The following CCDC66 variants were observed in gnomAD, a reference collection of about 807,000 sequenced individuals.
CCDC66 encodes coiled-coil domain-containing protein 66.
Under a neutral mutation model 128.3 loss-of-function variants are expected in CCDC66, and 133 were observed. The ratio of observed to expected loss-of-function variants is 1.04; its 90% CI spans 0.90 to 1.20. CCDC66 has a LOEUF of 1.20. Ranked by LOEUF, CCDC66 falls within the 50% of genes most tolerant of loss-of-function variation. CCDC66 has a pLI of 0.00. For missense variants in CCDC66, 1,126 were observed against 1,075.5 expected (o/e 1.05, Z -0.66); for synonymous variants, 387 against 357.0 (o/e 1.08, Z -0.95).
chr3:56,584,471 A>C (rs2069195268), intron 7 of CCDC66, among the ~76,000 whole-genome samples: 2 of 150,258 alleles, frequency 1.3e-5, no homozygotes, highest in South Asian at 4.2e-4. Context: ...GGCCAGGCAG[A>C]GGTGCTCCTC....
intron 7 of CCDC66, among the ~76,000 whole-genome samples, chr3:56,590,597 C>CA (rs2070704777): frequency 6.6e-6 from 1 of 151,570 alleles, no homozygotes; most frequent in Non-Finnish European, 1.5e-5. Flanking sequence ...CCTGTCTCTA[C>CA]AAAAAAATAA....
chr3:56,571,154 T>C, intron 6 of CCDC66, 27 bp from the exon 7 acceptor site: 5 of 1,459,090 alleles, frequency 3.4e-6, no homozygotes, highest in Non-Finnish European at 4.6e-6. Context: ...TTTTTGTACA[T>C]TTTTTTAAAA....
In CCDC66 at chr3:56,605,264, T is replaced by C. The variant is rs150881628; in HGVS notation, c.1405-8325T>C. ...TGTTATTACCTACCTTCTGAAGCCTTCTTCTGTCAATTCGTAAAACTCATT... is the reference window on the plus strand; with the variant it reads ...TGTTATTACCTACCTTCTGAAGCCTCCTTCTGTCAATTCGTAAAACTCATT... On this transcript the variant is annotated intron_variant, in intron 10 of 17. Transcript: ENST00000394672. Among the ~76,000 whole-genome samples, 505 of 152,204 alleles carry C rather than the reference T, an allele frequency of 3.3e-3. 12 individuals are homozygous for C. The highest frequency in any genetic ancestry group is 0.011 in the African/African-American group (461 of 41,460).
intron 3 of CCDC66, among the ~76,000 whole-genome samples, chr3:56,562,621 A>G (rs2065244039): frequency 6.6e-6 from 1 of 152,082 alleles, no homozygotes; most frequent in Non-Finnish European, 1.5e-5. Flanking sequence ...AGTGCTAGGT[A>G]GCACATTTTA....
chr3:56,592,439 C>T (rs188483498), intron 7 of CCDC66, among the ~76,000 whole-genome samples: 61 of 152,198 alleles, frequency 4.0e-4, no homozygotes, highest in African/African-American at 1.3e-3. Flanking sequence ...CAGCTCACTA[C>T]AACCTCCACC....
At chr3:56,618,407 G>C (rs1381021921) in intron 15 of CCDC66, 195 bp downstream of exon 15, 2 of 515,226 alleles carry the variant, frequency 3.9e-6, no homozygotes, top group Non-Finnish European at 6.9e-6. Flanking sequence ...AGTTGGACTG[G>C]GCCTAGGCAG....
At chr3:56,599,451 G>A (rs1187192931) in intron 10 of CCDC66, among the ~76,000 whole-genome samples, 2 of 151,912 alleles carry the variant, frequency 1.3e-5, no homozygotes. Flanking sequence ...TTTGGGGTTT[G>A]TTCTTTTCTA....
chr3:56,619,516 A>G lies in CCDC66; in HGVS notation c.2624A>G (p.Gln875Arg), dbSNP rs776278779. 5.0e-6 allele frequency: 8 copies of G among 1,606,692 alleles called. No homozygotes were observed. Among genetic ancestry groups the G allele is most frequent in the Middle Eastern group, 1.7e-4 (1 of 6,016 alleles). ...CCTTCAACCCAGGACCCTCAGTACC[A>G]AAATTCACAAGGTAAGTAAATATTA... Reference protein sequence around the residue: ...SGPSTQDPQYQNSQDCGQKRQ... With the variant: ...SGPSTQDPQYRNSQDCGQKRQ... Residue 875 changes from glutamine (Q) to arginine (R), a missense_variant, in exon 16 of 18, where the codon CAA becomes CGA. Transcript: ENST00000394672.
chr3:56,591,266 A>T (rs2070844121), intron 7 of CCDC66, among the ~76,000 whole-genome samples: 1 of 152,260 alleles, frequency 6.6e-6, no homozygotes, highest in Non-Finnish European at 1.5e-5. Flanking sequence ...GAATATAGAT[A>T]AAACATTTTG....
intron 10 of CCDC66, among the ~76,000 whole-genome samples, chr3:56,602,318 GC>G (rs1313234998): frequency 6.6e-6 from 1 of 152,044 alleles, no homozygotes; most frequent in Non-Finnish European, 1.5e-5. Flanking sequence ...CAGATATGAA[GC>G]CAACTTGATC....
intron 14 of CCDC66, 105 bp downstream of exon 14, chr3:56,617,710 A>G (rs760518168): frequency 2.6e-5 from 36 of 1,399,074 alleles, no homozygotes; most frequent in Non-Finnish European, 3.2e-5. Context: ...TTCAGTTTAC[A>G]TTAGGGATCA....
At chr3:56,618,098 AGCCCTAAAAATATTTGTGGG>A (rs1490152056) in intron 14 of CCDC66, 54 bp from the exon 15 acceptor site, 10 of 1,118,564 alleles carry the variant, frequency 8.9e-6, no homozygotes, top group Non-Finnish European at 1.2e-5. Context: ...TTCAACAAGT[AGCCCTAAAAATATTTGTGGG>A]GACATGTGAA....
At chr3:56,584,990 G>A (rs370262604) in intron 7 of CCDC66, among the ~76,000 whole-genome samples, 9 of 151,796 alleles carry the variant, frequency 5.9e-5, no homozygotes, top group Non-Finnish European at 2.9e-5. Context: ...CACTCGGCAG[G>A]CTGAGGCGGG....
chr3:56,570,670 C>T (rs1369055175), intron 6 of CCDC66: 1 of 59,460 alleles, frequency 1.7e-5, no homozygotes, highest in Admixed American at 1.8e-4. Flanking sequence ...ATCGCTTGAA[C>T]CTGGGAGGCG....
rs376832281 is a variant in CCDC66, at chr3:56,565,873, C to T, written c.545-721C>T. ...AGTAGAGACGGGGTTTCACCGTGTT[C>T]GCCAGGATGGTCTCGATCTCCTGAC... is the stretch of plus-strand genomic sequence containing the variant. On this transcript the variant is annotated intron_variant, in intron 4 of 17. Transcript: ENST00000394672. Among the ~76,000 whole-genome samples, 5 of 150,564 alleles carry T rather than the reference C, an allele frequency of 3.3e-5. No individual in the cohort carries two copies. The East Asian group carries it at 6.0e-4, about 18-fold the overall frequency.
At chr3:56,558,665 T>A (rs371997554) in intron 1 of CCDC66, 181 bp from the exon 2 acceptor site, 1 of 621,750 alleles carries the variant, frequency 1.6e-6, no homozygotes, top group East Asian at 2.9e-5. Flanking sequence ...TTTCCCCCTG[T>A]AGTTGTGGGT....
At chr3:56,591,168 T>G (rs533166032) in intron 7 of CCDC66, among the ~76,000 whole-genome samples, 4 of 152,344 alleles carry the variant, frequency 2.6e-5, no homozygotes, top group South Asian at 2.1e-4. Context: ...GAAATGCAGT[T>G]AAGTGGTAGT....
chr3:56,618,314 A>ACAAT lies in CCDC66; in HGVS notation c.2378+105_2378+108dup, dbSNP rs2075794519. The ACAAT allele has an allele frequency of 2.7e-5, 28 of 1,041,402 alleles. 1 individual carries two copies. In the South Asian group the frequency reaches 3.6e-4, roughly 13 times the overall value. 64.5% of individuals were successfully genotyped at this position (1,041,402 alleles called of 1,614,324 possible). A position where few individuals can be genotyped will look rare whatever the true frequency, so the allele number is the denominator to read the frequency against. ...CAGCATCATATGGTATATGTAGAGA[A>ACAAT]CAATCAGAAAGGGTGTGGCTTCCAG... On this transcript the variant is annotated intron_variant, in intron 15 of 17. Transcript: ENST00000394672.
intron 7 of CCDC66, among the ~76,000 whole-genome samples, chr3:56,588,459 A>C (rs1238944997): frequency 6.6e-6 from 1 of 152,174 alleles, no homozygotes; most frequent in Non-Finnish European, 1.5e-5. Context: ...TAGAAATAAA[A>C]ATTTTTTTAA....
Sources: allele counts gnomAD v4.1 joint callset (sites outside exome capture counted in the v4.1 genomes callset), GRCh38; gene constraint gnomAD v4.1.1; transcripts MANE v1.5; gene names NCBI Gene and HGNC (gene_info 2026-07-23, HGNC 2026-07-21).